SLC24A2: variants seen among roughly 807,000 people sequenced by gnomAD.
The protein encoded by SLC24A2 is sodium/potassium/calcium exchanger 2.
SLC24A2 carries 36 observed loss-of-function variants against 62.0 expected under a neutral mutation model. The observed-to-expected ratio is 0.58, with a 90% CI of 0.44 to 0.77. SLC24A2 has a LOEUF of 0.77. Among genes scored for constraint, SLC24A2 ranks in the 30% least tolerant of loss-of-function variants. The pLI is 0.00. For missense variants in SLC24A2, 846 were observed against 817.9 expected (o/e 1.03, Z -0.42); for synonymous variants, 358 against 294.0 (o/e 1.22, Z -2.23).
chr9:20,184,305 C>A, the SLC24A2 span, among the ~76,000 whole-genome samples: 1 of 152,292 alleles, frequency 6.6e-6, no homozygotes, highest in African/African-American at 2.4e-5. Flanking sequence ...AATCCCAGCA[C>A]TTTTGGAGGC....
At chr9:19,522,934 C>A (rs1306021740) in intron 9 of SLC24A2, among the ~76,000 whole-genome samples, 6 of 152,200 alleles carry the variant, frequency 3.9e-5, no homozygotes, top group Admixed American at 2.6e-4. Context: ...TGAGCAGATG[C>A]TGACTAAACA....
chr9:19,767,496 G>C (rs530765022), intron 2 of SLC24A2, among the ~76,000 whole-genome samples: 124 of 152,258 alleles, frequency 8.1e-4, no homozygotes, highest in Non-Finnish European at 1.5e-3. Flanking sequence ...GTCGTATCTG[G>C]GCCAGATAGC....
chr9:20,016,289 G>A, the SLC24A2 span, among the ~76,000 whole-genome samples: 6 of 152,242 alleles, frequency 3.9e-5, no homozygotes, highest in African/African-American at 1.4e-4. Context: ...ACATGAAAAT[G>A]TAATAGATAC....
chr9:19,773,497 T>C (rs1457293058), intron 2 of SLC24A2, among the ~76,000 whole-genome samples: 1 of 152,218 alleles, frequency 6.6e-6, no homozygotes. Context: ...ATGATTCCTC[T>C]TTCATAAGTA....
At chr9:19,887,846 T>G in the SLC24A2 span, among the ~76,000 whole-genome samples, 1 of 152,212 alleles carries the variant, frequency 6.6e-6, no homozygotes, top group African/African-American at 2.4e-5. Flanking sequence ...AATGAATTAA[T>G]GACTTTCACA....
the SLC24A2 span, among the ~76,000 whole-genome samples, chr9:20,074,585 GGAAGGAAGGAAGGAAGGAAA>G: frequency 2.3e-4 from 21 of 89,754 alleles, no homozygotes; most frequent in Non-Finnish European, 2.7e-4. Context: ...AAGGAAGGAA[GGAAGGAAGGAAGGAAGGAAA>G]GAAGGGAGTG....
the SLC24A2 span, among the ~76,000 whole-genome samples, chr9:20,200,895 G>T: frequency 6.6e-6 from 1 of 152,204 alleles, no homozygotes; most frequent in Non-Finnish European, 1.5e-5. Flanking sequence ...CTATTTGGAG[G>T]TCACAAGTGT....
At chr9:19,983,983 G>A in the SLC24A2 span, among the ~76,000 whole-genome samples, 19 of 152,240 alleles carry the variant, frequency 1.2e-4, no homozygotes, top group South Asian at 4.1e-4. Context: ...AAAGTTATAC[G>A]CATTCAGTAT....
chr9:19,594,353 A>G (rs1836644599), intron 5 of SLC24A2, among the ~76,000 whole-genome samples: 1 of 152,232 alleles, frequency 6.6e-6, no homozygotes, highest in South Asian at 2.1e-4. Context: ...CTTAAAAATA[A>G]TAAGCTGAAT....
At chr9:19,991,577 T>G in the SLC24A2 span, among the ~76,000 whole-genome samples, 19 of 152,292 alleles carry the variant, frequency 1.2e-4, no homozygotes, top group African/African-American at 4.1e-4. Context: ...GTTTCAGGAA[T>G]TCTCTGGGTG....
chr9:19,987,205 G>A, the SLC24A2 span, among the ~76,000 whole-genome samples: 13 of 152,110 alleles, frequency 8.5e-5, 1 homozygote, highest in Admixed American at 7.9e-4. Flanking sequence ...CATGAGGGTT[G>A]GAGGTACCTG....
the SLC24A2 span, among the ~76,000 whole-genome samples, chr9:19,963,484 A>G: frequency 6.6e-6 from 1 of 150,418 alleles, no homozygotes; most frequent in South Asian, 2.1e-4. Flanking sequence ...CAAAGGGCTA[A>G]TATCCAGAAT....
chr9:20,185,558 G>T, the SLC24A2 span, among the ~76,000 whole-genome samples: 50 of 151,350 alleles, frequency 3.3e-4, no homozygotes, highest in Non-Finnish European at 5.8e-4. Context: ...CCAGCTATTC[G>T]GGAGGCTGAG....
the SLC24A2 span, among the ~76,000 whole-genome samples, chr9:20,204,742 CTTT>C: frequency 6.1e-5 from 8 of 132,208 alleles, no homozygotes; most frequent in Admixed American, 1.5e-4. Flanking sequence ...AAAAGTATAA[CTTT>C]TTTTTTTTTT....
chr9:19,585,776 G>T (rs2132873822), intron 5 of SLC24A2, among the ~76,000 whole-genome samples: 1 of 152,254 alleles, frequency 6.6e-6, no homozygotes, highest in Admixed American at 6.5e-5. Flanking sequence ...GAGCCATCCT[G>T]ATGCAAAGGG....
chr9:20,014,279 G>A, the SLC24A2 span, among the ~76,000 whole-genome samples: 2 of 151,956 alleles, frequency 1.3e-5, no homozygotes, highest in African/African-American at 4.8e-5. Flanking sequence ...ACATGCTGTT[G>A]GTGGGAATTT....
chr9:20,276,013 G>A, the SLC24A2 span, among the ~76,000 whole-genome samples: 2 of 152,106 alleles, frequency 1.3e-5, no homozygotes, highest in Admixed American at 1.3e-4. Context: ...TACAATTCAA[G>A]GTAAGATTTG....
At chr9:19,892,710 C>A in the SLC24A2 span, among the ~76,000 whole-genome samples, 1 of 148,606 alleles carries the variant, frequency 6.7e-6, no homozygotes, top group Non-Finnish European at 1.5e-5. Context: ...TTTTTTTTTT[C>A]ATGCCTAGAA....
At chr9:20,012,481 A>C in the SLC24A2 span, among the ~76,000 whole-genome samples, 1 of 152,224 alleles carries the variant, frequency 6.6e-6, no homozygotes, top group African/African-American at 2.4e-5. Flanking sequence ...ACACAGTCAA[A>C]ACATATCACC....
Sources: allele counts gnomAD v4.1 joint callset (sites outside exome capture counted in the v4.1 genomes callset), GRCh38; gene constraint gnomAD v4.1.1; transcripts MANE v1.5; gene names NCBI Gene and HGNC (gene_info 2026-07-23, HGNC 2026-07-21).